Variants in JAKMIP3 observed in about 807,000 individuals in gnomAD.
The protein encoded by JAKMIP3 is Janus kinase and microtubule interacting protein 3.
JAKMIP3 carries 58 observed loss-of-function variants against 118.5 expected under a neutral mutation model. The ratio of observed to expected loss-of-function variants is 0.49; its 90% CI spans 0.40 to 0.61. JAKMIP3 has a LOEUF of 0.61. Among genes scored for constraint, JAKMIP3 ranks in the 20% least tolerant of loss-of-function variants. JAKMIP3 has a pLI of 0.00. For missense variants in JAKMIP3, 950 were observed against 1,109.0 expected (o/e 0.86, Z 2.04); for synonymous variants, 486 against 451.2 (o/e 1.08, Z -0.98).
At chr10:132,070,036 G>GTGCGGC (rs1319130059) in intron 1 of JAKMIP3, among the ~76,000 whole-genome samples, 4 of 152,176 alleles carry the variant, frequency 2.6e-5, no homozygotes, top group Non-Finnish European at 5.9e-5. Context: ...GCGGTGAGAG[G>GTGCGGC]TGCGGCTGCT....
At chr10:132,171,652 C>CTTTTTTTTTTTTTTTTTTTT (rs34371364) in intron 23 of JAKMIP3, among the ~76,000 whole-genome samples, 1 of 135,762 alleles carries the variant, frequency 7.4e-6, no homozygotes, top group Non-Finnish European at 1.6e-5. Context: ...TTTTTTCTTT[C>CTTTTTTTTTTTTTTTTTTTT]TTTTTTTTTT....
At chr10:132,136,503 G>A (rs1043379002) in intron 6 of JAKMIP3, among the ~76,000 whole-genome samples, 3 of 152,224 alleles carry the variant, frequency 2.0e-5, no homozygotes, top group Non-Finnish European at 2.9e-5. Context: ...CATGAGCCAG[G>A]AGTGGGGGGC....
intron 3 of JAKMIP3, among the ~76,000 whole-genome samples, chr10:132,119,664 T>C (rs189987393): frequency 1.7e-3 from 253 of 152,316 alleles, no homozygotes; most frequent in African/African-American, 5.9e-3. Context: ...CCTTAAAGAG[T>C]AACCTGCCTC....
intron 3 of JAKMIP3, among the ~76,000 whole-genome samples, chr10:132,131,519 T>C (rs2050611922): frequency 6.6e-6 from 1 of 151,712 alleles, no homozygotes; most frequent in African/African-American, 2.4e-5. Flanking sequence ...CAGCAAGTGT[T>C]GTGGATCCTG....
Position 132,148,322 on chromosome 10 carries a change from G to A in JAKMIP3, c.1848+272G>A, listed in dbSNP as rs10870266. On this transcript the variant is annotated intron_variant, in intron 14 of 23. Transcript: ENST00000684848. Reference sequence around the variant, plus strand: ...GGATGAGGCCAGCCGCCCAAAGCACGTGTAAATATGGGGGAAATGGCCCGT... The same window carrying A: ...GGATGAGGCCAGCCGCCCAAAGCACATGTAAATATGGGGGAAATGGCCCGT... Among the ~76,000 whole-genome samples, 69,856 of 152,028 alleles carry A rather than the reference G, an allele frequency of 0.46. 17,027 individuals are homozygous for A. Among genetic ancestry groups the A allele is most frequent in the Admixed American group, 0.63 (9,684 of 15,278 alleles).
rs372068371 is a variant in JAKMIP3, at chr10:132,153,815, G to A, written c.2130G>A (p.Leu710=). The change falls in exon 18 of 24, where the codon CTG becomes CTA. Residue 710 remains leucine (L), a synonymous_variant. Transcript: ENST00000684848. ...EAALQRKMVD[L]ESEKELFSKQ... Reference sequence around the variant, plus strand: ...CGCTGCAGCGGAAGATGGTGGATCTGGAGAGCGAGAAGGTTGGTGGCACCT... The same window carrying A: ...CGCTGCAGCGGAAGATGGTGGATCTAGAGAGCGAGAAGGTTGGTGGCACCT... 1.0e-4 allele frequency: 163 copies of A among 1,612,996 alleles called. No homozygotes were observed. The highest frequency in any genetic ancestry group is 1.2e-4 in the Non-Finnish European group (146 of 1,179,858).
rs574740547 is a variant in JAKMIP3, at chr10:132,142,065, C to CCA, written c.1602+18_1602+19insAC. ...GAAGTTAAGGTCTACGTGACTTCCA[C>CCA]CGCGCGTTCCGGCCCCCCTCGTGCC... On this transcript the variant is annotated intron_variant, in intron 11 of 23. Coordinates refer to ENST00000684848, the MANE Select transcript of JAKMIP3 (RefSeq NM_001323087.2). The CCA allele has an allele frequency of 6.9e-6, 11 of 1,588,178 alleles. No homozygotes were observed. Among genetic ancestry groups the CCA allele is most frequent in the African/African-American group, 4.0e-5 (3 of 74,418 alleles).
intron 2 of JAKMIP3, among the ~76,000 whole-genome samples, chr10:132,116,597 GAT>G (rs1218639346): frequency 0.099 from 754 of 7,602 alleles, 87 homozygotes; most frequent in South Asian, 0.12. Context: ...TACACATTCA[GAT>G]GTGTGAGTGT....
At chr10:132,101,993 TGTGGTTGGGACCAGGA>T (rs57910419) in intron 1 of JAKMIP3, among the ~76,000 whole-genome samples, 28,666 of 151,784 alleles carry the variant, frequency 0.19, 2,801 homozygotes, top group East Asian at 0.29. Context: ...CCGACGCTCA[TGTGGTTGGGACCAGGA>T]GTCACTAAAA....
At chr10:132,045,127 G>C (rs757271079) in intron 1 of JAKMIP3, among the ~76,000 whole-genome samples, 11 of 152,058 alleles carry the variant, frequency 7.2e-5, no homozygotes, top group Non-Finnish European at 1.0e-4. Flanking sequence ...CTCAGTTCAG[G>C]TTCCCACCAG....
intron 11 of JAKMIP3, 95 bp downstream of exon 11, chr10:132,142,143 T>TGGGCCC (rs1329461751): frequency 3.7e-6 from 5 of 1,362,842 alleles, no homozygotes; most frequent in Non-Finnish European, 4.9e-6. Context: ...CTAGCCCTCC[T>TGGGCCC]GGGCCCGGGC....
chr10:132,041,150 G>T (rs2037733223), intron 1 of JAKMIP3, among the ~76,000 whole-genome samples: 1 of 152,142 alleles, frequency 6.6e-6, no homozygotes, highest in African/African-American at 2.4e-5. Flanking sequence ...CTGCCTCCTG[G>T]GGTCAAGCGA....
In JAKMIP3 at chr10:132,048,070, G is replaced by A. The variant is rs575067151; in HGVS notation, c.-138+11332G>A. Reference sequence around the variant, plus strand: ...GTTTAGCTGGGGTTCTCTCGTGACGGGAACGAGGTCGTGCATTTTGGTAGG... The same window carrying A: ...GTTTAGCTGGGGTTCTCTCGTGACGAGAACGAGGTCGTGCATTTTGGTAGG... On this transcript the variant is annotated intron_variant, in intron 1 of 23. Transcript: ENST00000657785. 7.2e-5 allele frequency among the ~76,000 whole-genome samples: 11 copies of A among 152,362 alleles called. No individual in the cohort carries two copies. In the East Asian group the frequency reaches 9.6e-4, roughly 13 times the overall value.
At chr10:132,057,912 C>G (rs534793223) in intron 1 of JAKMIP3, among the ~76,000 whole-genome samples, 1 of 152,336 alleles carries the variant, frequency 6.6e-6, no homozygotes, top group Admixed American at 6.5e-5. Context: ...ACACTGCACA[C>G]TGGTGCGTAC....
intron 2 of JAKMIP3, among the ~76,000 whole-genome samples, chr10:132,107,498 G>A (rs535874785): frequency 9.8e-5 from 15 of 152,320 alleles, no homozygotes; most frequent in Admixed American, 5.2e-4. Flanking sequence ...TTGGCACAAC[G>A]TGCAGAAGGC....
intron 20 of JAKMIP3, 95 bp from the exon 21 acceptor site, chr10:132,164,575 C>T (rs960515959): frequency 2.3e-5 from 19 of 836,202 alleles, no homozygotes; most frequent in South Asian, 7.8e-5. Context: ...TGCTCTGCGA[C>T]GATCTGTTAC....
intron 1 of JAKMIP3, among the ~76,000 whole-genome samples, chr10:132,079,937 C>T (rs377661358): frequency 2.0e-5 from 3 of 152,224 alleles, no homozygotes; most frequent in Non-Finnish European, 4.4e-5. Context: ...GGGTGGGTGG[C>T]GTCTGCCTCT....
At position 132,042,216 on chromosome 10, in the gene JAKMIP3, T is replaced by TTCCTTCCTTCCTTCCTTCCTTCC. The variant is rs1257478085; in HGVS notation, c.-138+5480_-138+5481insCTTCCTTCCTTCCTTCCTTCCTC. On this transcript the variant is annotated intron_variant, in intron 1 of 23. Coordinates refer to the JAKMIP3 transcript ENST00000657785. Reference sequence around the variant, plus strand: ...CTTCCTTCCTTCCTTCCTTCCTTCCTTCTTTCCTCCTCCTCCTTTCACAGG... The same window carrying TTCCTTCCTTCCTTCCTTCCTTCC: ...CTTCCTTCCTTCCTTCCTTCCTTCCTTCCTTCCTTCCTTCCTTCCTTCCTCTTTCCTCCTCCTCCTTTCACAGG... Among the ~76,000 whole-genome samples the TTCCTTCCTTCCTTCCTTCCTTCC allele has an allele frequency of 3.8e-3, 580 of 151,026 alleles. 12 individuals are homozygous for TTCCTTCCTTCCTTCCTTCCTTCC. Among genetic ancestry groups the TTCCTTCCTTCCTTCCTTCCTTCC allele is most frequent in the African/African-American group, 0.013 (547 of 40,800 alleles).
At chr10:132,047,884 C>G (rs1006738408) in intron 1 of JAKMIP3, among the ~76,000 whole-genome samples, 2 of 152,154 alleles carry the variant, frequency 1.3e-5, no homozygotes, top group Non-Finnish European at 2.9e-5. Context: ...CCGCCCCGCC[C>G]CCCGCGAGCT....
Sources: gnomAD v4.1 joint callset for allele counts (sites outside exome capture counted in the v4.1 genomes callset) on GRCh38, gnomAD v4.1.1 for gene constraint, MANE v1.5 for transcripts, NCBI Gene and HGNC (gene_info 2026-07-23, HGNC 2026-07-21) for gene names.